Variants in PARP8 observed in about 807,000 individuals in gnomAD.
PARP8 encodes protein mono-ADP-ribosyltransferase PARP8.
A neutral mutation model predicts 124.1 loss-of-function variants in PARP8; 51 were observed. That is an observed-to-expected ratio of 0.41 (90% CI 0.33 to 0.52). The LOEUF (loss-of-function observed/expected upper bound fraction) is 0.52. PARP8 is among the 20% of genes least tolerant of loss of function. The pLI is 0.21. For synonymous variants in PARP8, 391 were observed against 361.5 expected (o/e 1.08, Z -0.93); for missense variants, 860 against 1,018.9 (o/e 0.84, Z 2.12).
chr5:50,711,134 G>A (rs1754732220), intron 2 of PARP8, among the ~76,000 whole-genome samples: 1 of 152,084 alleles, frequency 6.6e-6, no homozygotes. Flanking sequence ...ATGTTATTAT[G>A]AAACTTTCCT....
intron 24 of PARP8, among the ~76,000 whole-genome samples, 188 bp downstream of exon 24, chr5:50,834,236 T>C (rs1747315226): frequency 6.6e-6 from 1 of 152,190 alleles, no homozygotes; most frequent in South Asian, 2.1e-4. Context: ...AATTGCAGAA[T>C]TGGCAAGAAT....
rs1275206982 is a variant in PARP8, at chr5:50,788,656, AAAAC to A, written c.737+79_737+82del. 73 of 1,333,630 alleles carry A rather than the reference AAAAC, an allele frequency of 5.5e-5. No individual in the cohort carries two copies. The South Asian group carries it at 7.5e-4, about 14-fold the overall frequency. The allele number at this position is 1,333,630 out of a possible 1,614,324, so 82.6% of individuals were successfully genotyped here. ...GAACTGAGTTCTCATTTTGTTCATT[AAAAC>A]AAACAAACAAAAACCTATTCAGTAA... On this transcript the variant is annotated intron_variant, in intron 10 of 25. Transcript: ENST00000281631.
chr5:50,830,555 G>GTT (rs987526250), intron 22 of PARP8, among the ~76,000 whole-genome samples: 25 of 152,152 alleles, frequency 1.6e-4, no homozygotes, highest in African/African-American at 6.0e-4. Context: ...AATTGGTGAT[G>GTT]TTTTCTTCTT....
At chr5:50,698,282 C>T (rs1014464037) in intron 2 of PARP8, among the ~76,000 whole-genome samples, 3 of 152,306 alleles carry the variant, frequency 2.0e-5, no homozygotes, top group Non-Finnish European at 1.5e-5. Flanking sequence ...GTGTCTGCCA[C>T]TCTGGCAGAT....
chr5:50,737,031 C>T (rs1211939878), intron 2 of PARP8, among the ~76,000 whole-genome samples: 1 of 152,122 alleles, frequency 6.6e-6, no homozygotes, highest in African/African-American at 2.4e-5. Flanking sequence ...AATGAAGAAA[C>T]TCTCTCCACC....
chr5:50,761,691 A>G (rs1760561114), intron 5 of PARP8, 130 bp from the exon 6 acceptor site: 1 of 539,190 alleles, frequency 1.9e-6, no homozygotes, highest in East Asian at 4.0e-5. Context: ...CTGGGGTTTT[A>G]CTGCACCAAG....
intron 2 of PARP8, among the ~76,000 whole-genome samples, chr5:50,670,642 G>A (rs1749903869): frequency 6.6e-6 from 1 of 152,176 alleles, no homozygotes; most frequent in African/African-American, 2.4e-5. Context: ...GACTTGAGGT[G>A]GAAAGGTTCA....
intron 2 of PARP8, among the ~76,000 whole-genome samples, chr5:50,693,980 A>T (rs1191296690): frequency 6.6e-6 from 1 of 152,064 alleles, no homozygotes; most frequent in Non-Finnish European, 1.5e-5. Flanking sequence ...ATAAAGAAGG[A>T]TTATCCTAAA....
chr5:50,801,021 G>T (rs1743156361), intron 14 of PARP8, among the ~76,000 whole-genome samples: 1 of 151,964 alleles, frequency 6.6e-6, no homozygotes, highest in African/African-American at 2.4e-5. Flanking sequence ...GCCTCTCAAA[G>T]TGTTAGGATT....
chr5:50,676,252 A>C (rs945816857), intron 2 of PARP8, among the ~76,000 whole-genome samples: 7 of 152,262 alleles, frequency 4.6e-5, no homozygotes, highest in Non-Finnish European at 1.0e-4. Context: ...ACAGTGTAAT[A>C]GAAATGGAAA....
intron 3 of PARP8, among the ~76,000 whole-genome samples, chr5:50,756,841 C>G (rs1279090718): frequency 2.6e-5 from 4 of 152,198 alleles, no homozygotes; most frequent in Admixed American, 2.6e-4. Flanking sequence ...TCCCCCAGCC[C>G]CTGGCCACCA....
intron 3 of PARP8, among the ~76,000 whole-genome samples, chr5:50,756,130 G>A (rs1029184328): frequency 6.6e-6 from 1 of 152,114 alleles, no homozygotes; most frequent in African/African-American, 2.4e-5. Flanking sequence ...TCTGCAAACA[G>A]GGACAATTTG....
chr5:50,771,072 T>G (rs1405369535), intron 7 of PARP8, among the ~76,000 whole-genome samples: 1 of 151,468 alleles, frequency 6.6e-6, no homozygotes, highest in Non-Finnish European at 1.5e-5. Context: ...AAAGTGCAAT[T>G]TCCTTAAAAA....
intron 17 of PARP8, among the ~76,000 whole-genome samples, chr5:50,823,042 G>A (rs1284298259): frequency 6.6e-6 from 1 of 152,236 alleles, no homozygotes; most frequent in Non-Finnish European, 1.5e-5. Flanking sequence ...ACTTATCATT[G>A]TAAGTAGAAA....
chr5:50,759,778 C>T, intron 4 of PARP8, 46 bp downstream of exon 4: 1 of 1,511,334 alleles, frequency 6.6e-7, no homozygotes, highest in Non-Finnish European at 8.8e-7. Flanking sequence ...TTTTAAATTG[C>T]ATTATCTTTT....
chr5:50,821,182 G>A, intron 15 of PARP8, 31 bp from the exon 16 acceptor site: 1 of 1,612,700 alleles, frequency 6.2e-7, no homozygotes, highest in Non-Finnish European at 8.5e-7. Context: ...AAACCTGAAG[G>A]GTAGTAACTA....
intron 2 of PARP8, among the ~76,000 whole-genome samples, chr5:50,675,605 G>A (rs544701201): frequency 7.4e-4 from 112 of 152,340 alleles, no homozygotes; most frequent in Middle Eastern, 3.4e-3. Context: ...CAGCCATGGC[G>A]CCCGGCCTGT....
intron 22 of PARP8, among the ~76,000 whole-genome samples, chr5:50,830,819 C>CGTGTGTGT (rs10611893): frequency 1.4e-5 from 2 of 147,828 alleles, no homozygotes; most frequent in African/African-American, 5.0e-5. Context: ...TGTGCTCATG[C>CGTGTGTGT]GTGTGTGTGT....
At chr5:50,699,964 G>C (rs575405617) in intron 2 of PARP8, among the ~76,000 whole-genome samples, 1 of 152,226 alleles carries the variant, frequency 6.6e-6, no homozygotes, top group East Asian at 1.9e-4. Flanking sequence ...TTGCAAAAAG[G>C]ATAGATAGCA....
Sources: allele counts gnomAD v4.1 joint callset (sites outside exome capture counted in the v4.1 genomes callset), GRCh38; gene constraint gnomAD v4.1.1; transcripts MANE v1.5; gene names NCBI Gene and HGNC (gene_info 2026-07-23, HGNC 2026-07-21).